Variants in PDE10A observed in about 807,000 individuals in gnomAD.
The protein encoded by PDE10A is phosphodiesterase 10A, also known as cAMP and cAMP-inhibited cGMP 3',5'-cyclic phosphodiesterase 10A.
In PDE10A, 39 loss-of-function variants were observed where a neutral mutation model predicts 97.7. The observed-to-expected ratio is 0.40, with a 90% CI of 0.31 to 0.52. PDE10A has a LOEUF of 0.52. PDE10A is among the 20% of genes least tolerant of loss of function. The pLI is 0.56. For synonymous variants in PDE10A, 371 were observed against 376.8 expected (o/e 0.98, Z 0.18); for missense variants, 731 against 1,047.8 (o/e 0.70, Z 4.17).
chr6:165,905,772 G>A (rs1782244243), intron 1 of PDE10A, among the ~76,000 whole-genome samples: 3 of 151,950 alleles, frequency 2.0e-5, no homozygotes, highest in Admixed American at 2.0e-4. Flanking sequence ...ATGTTGGCCT[G>A]GAGCTGGAAA....
intron 1 of PDE10A, among the ~76,000 whole-genome samples, chr6:165,716,262 A>T (rs1792024297): frequency 6.6e-6 from 1 of 152,248 alleles, no homozygotes; most frequent in East Asian, 1.9e-4. Flanking sequence ...ATGAACGCAC[A>T]GTATGATTGC....
intron 2 of PDE10A, among the ~76,000 whole-genome samples, chr6:165,509,407 T>A (rs1386258647): frequency 1.3e-5 from 2 of 152,068 alleles, no homozygotes; most frequent in Non-Finnish European, 2.9e-5. Flanking sequence ...TGTGAAATTA[T>A]TTCTGAGTTC....
intron 1 of PDE10A, among the ~76,000 whole-genome samples, chr6:165,731,306 A>T (rs1792430737): frequency 6.6e-6 from 1 of 152,150 alleles, no homozygotes; most frequent in African/African-American, 2.4e-5. Context: ...CTGTATGGGG[A>T]AAGTGCTATG....
intron 20 of PDE10A, 32 bp from the exon 21 acceptor site, chr6:165,336,243 C>G (rs746923112): frequency 8.7e-5 from 121 of 1,385,250 alleles, no homozygotes; most frequent in Non-Finnish European, 1.2e-4. Context: ...GGACAAGAAA[C>G]AAAAGTGCAC....
intron 1 of PDE10A, among the ~76,000 whole-genome samples, chr6:165,815,895 T>A (rs181962462): frequency 2.0e-5 from 3 of 152,206 alleles, no homozygotes; most frequent in Admixed American, 2.0e-4. Context: ...GCAACTGAGT[T>A]GCCTCGTGAC....
At chr6:165,546,695 G>A (rs530077437) in intron 1 of PDE10A, among the ~76,000 whole-genome samples, 13 of 152,064 alleles carry the variant, frequency 8.5e-5, no homozygotes, top group Non-Finnish European at 1.9e-4. Context: ...CAAATGAGTG[G>A]TAGATGGTGG....
Position 165,610,209 on chromosome 6 carries a change from T to G in PDE10A, c.865+51738A>C, listed in dbSNP as rs1437118244. ...GAGCCCTCAGAAATAATACCACACA[T>G]CTACAACTATCTGATCTTTGACAAA... On this transcript the variant is annotated intron_variant, in intron 1 of 21. Transcript: ENST00000539869. Among the ~76,000 whole-genome samples, 9 of 152,066 alleles carry G rather than the reference T, an allele frequency of 5.9e-5. No homozygotes were observed. The East Asian group carries it at 1.7e-3, about 29-fold the overall frequency.
At chr6:165,580,725 TCCTAC>T (rs542889961) in intron 1 of PDE10A, among the ~76,000 whole-genome samples, 112 of 150,538 alleles carry the variant, frequency 7.4e-4, no homozygotes, top group African/African-American at 2.6e-3. Context: ...ATGGTAAGTG[TCCTAC>T]CCAATGAGAA....
chr6:165,687,220 C>T (rs571614182), intron 1 of PDE10A, among the ~76,000 whole-genome samples: 1 of 152,336 alleles, frequency 6.6e-6, no homozygotes, highest in South Asian at 2.1e-4. Context: ...CCACCACAGC[C>T]GCTGGCAGCA....
chr6:165,833,419 C>T (rs560081827), intron 1 of PDE10A, among the ~76,000 whole-genome samples: 257 of 152,348 alleles, frequency 1.7e-3, no homozygotes, highest in African/African-American at 6.1e-3. Context: ...ACAGAGAGGA[C>T]GCAGAGGAGG....
chr6:165,561,743 T>C (rs1784534353), intron 1 of PDE10A, among the ~76,000 whole-genome samples: 1 of 152,172 alleles, frequency 6.6e-6, no homozygotes, highest in South Asian at 2.1e-4. Flanking sequence ...GATAGTTTTC[T>C]CCCATTGGTG....
intron 1 of PDE10A, among the ~76,000 whole-genome samples, chr6:165,741,867 G>A (rs1311741336): frequency 6.6e-6 from 1 of 152,012 alleles, no homozygotes; most frequent in Non-Finnish European, 1.5e-5. Context: ...ACAAACAATA[G>A]GCAAAGGAAT....
chr6:165,425,917 T>C (rs1326882500), intron 10 of PDE10A, among the ~76,000 whole-genome samples: 7 of 151,486 alleles, frequency 4.6e-5, no homozygotes, highest in Non-Finnish European at 8.8e-5. Context: ...ACATTTGCAG[T>C]ATAAAATCAA....
chr6:165,555,749 A>C (rs1022179), intron 1 of PDE10A, among the ~76,000 whole-genome samples: 54,463 of 152,026 alleles, frequency 0.36, 13,597 homozygotes, highest in African/African-American at 0.7. Flanking sequence ...TGTACCCACA[A>C]ACTAACCTCA....
chr6:165,898,762 G>T (rs1473746536), intron 1 of PDE10A, among the ~76,000 whole-genome samples: 1 of 152,086 alleles, frequency 6.6e-6, no homozygotes, highest in African/African-American at 2.4e-5. Context: ...TCTCCATGTG[G>T]CATGGTAGGT....
At chr6:165,680,961 T>G (rs1235289659) in intron 1 of PDE10A, among the ~76,000 whole-genome samples, 1 of 152,204 alleles carries the variant, frequency 6.6e-6, no homozygotes, top group Non-Finnish European at 1.5e-5. Context: ...GTGGCCAGCT[T>G]GAAGAAAAAT....
At chr6:165,977,599 A>G (rs1784888764) in intron 1 of PDE10A, among the ~76,000 whole-genome samples, 1 of 152,242 alleles carries the variant, frequency 6.6e-6, no homozygotes, top group Admixed American at 6.5e-5. Flanking sequence ...AAGTGTTCCC[A>G]TGAAGGCACC....
intron 1 of PDE10A, among the ~76,000 whole-genome samples, chr6:165,943,328 A>AAAG (rs1491218460): frequency 1.3e-5 from 1 of 79,322 alleles, no homozygotes; most frequent in African/African-American, 6.5e-5. Context: ...GGAAAGAAAG[A>AAAG]AAAAGAAAGA....
chr6:165,695,209 CA>C lies in PDE10A; in HGVS notation c.-614-151642del, dbSNP rs71029559. On this transcript the variant is annotated intron_variant, in intron 1 of 19. Coordinates refer to the PDE10A transcript ENST00000366882. ...CCCCAGTGAGCCTGGTGAAAACTAC[CA>C]AAAAAAAAAAAAAGAAAGAAAAGCA... is the stretch of plus-strand genomic sequence containing the variant. Among the ~76,000 whole-genome samples the C allele has an allele frequency of 4.2e-3, 520 of 123,522 alleles. 1 individual carries two copies. Among genetic ancestry groups the C allele is most frequent in the Non-Finnish European group, 5.5e-3 (323 of 58,408 alleles). The allele number at this position is 123,522 out of a possible 152,430, so 81.0% of individuals were successfully genotyped here. A position where few individuals can be genotyped will look rare whatever the true frequency, so the allele number is the denominator to read the frequency against.
Sources: gnomAD v4.1 joint callset for allele counts (sites outside exome capture counted in the v4.1 genomes callset) on GRCh38, gnomAD v4.1.1 for gene constraint, MANE v1.5 for transcripts, NCBI Gene and HGNC (gene_info 2026-07-23, HGNC 2026-07-21) for gene names.